ZNF586: variants seen among roughly 807,000 people sequenced by gnomAD.
ZNF586 encodes zinc finger protein 586.
In ZNF586, 7 loss-of-function variants were observed where a neutral mutation model predicts 6.7. That is an observed-to-expected ratio of 1.04 (90% CI 0.59 to 1.95). ZNF586 has a LOEUF of 1.95. Ranked by LOEUF, ZNF586 falls within the 30% of genes most tolerant of loss-of-function variation. The pLI, the probability that ZNF586 is intolerant of heterozygous loss-of-function variation, is 0.00. For synonymous variants in ZNF586, 166 were observed against 168.7 expected (o/e 0.98, Z 0.12); for missense variants, 442 against 489.6 (o/e 0.90, Z 0.92).
chr19:57,778,638 G>C, intron 2 of ZNF586, 113 bp from the exon 3 acceptor site: 1 of 1,001,912 alleles, frequency 1.0e-6, no homozygotes, highest in Non-Finnish European at 1.5e-6. Flanking sequence ...CCAACTCCCT[G>C]TTTGTGCAAA....
At position 57,769,847 on chromosome 19, in the gene ZNF586, C is replaced by A. The variant is rs969362419; in HGVS notation, c.5C>A (p.Ala2Glu). 11 of 1,542,382 alleles carry A rather than the reference C, an allele frequency of 7.1e-6. No homozygotes were observed. The East Asian group carries it at 1.2e-4, about 17-fold the overall frequency. Residue 2 changes from alanine (A) to glutamate (E), a missense_variant, in exon 1 of 3, where the codon GCG becomes GAG. By Grantham distance (107) the Ala-to-Glu change is moderately radical. Coordinates refer to ENST00000396154, the MANE Select transcript of ZNF586 (RefSeq NM_017652.4). ...GTTCCCCCCCCGCCCAGAGTCATGG[C>A]GGCAGCAGCCGCTCTGAGGGCGCCT... is the stretch of plus-strand genomic sequence containing the variant. M[A>E]AAAALRAPAQ...
intron 1 of ZNF586, among the ~76,000 whole-genome samples, chr19:57,774,245 G>C (rs918952060): frequency 3.5e-5 from 5 of 144,256 alleles, no homozygotes; most frequent in Middle Eastern, 4.4e-3. Context: ...AAAGTCAGCC[G>C]GGCGCGGTGG....
intron 2 of ZNF586, among the ~76,000 whole-genome samples, chr19:57,778,540 G>A (rs952663854): frequency 6.6e-6 from 1 of 152,088 alleles, no homozygotes; most frequent in African/African-American, 2.4e-5. Context: ...CCTTTATTCT[G>A]TCTGTTGACT....
intron 1 of ZNF586, among the ~76,000 whole-genome samples, chr19:57,772,490 C>T (rs946251498): frequency 8.9e-6 from 1 of 112,234 alleles, no homozygotes; most frequent in Non-Finnish European, 1.7e-5. Context: ...CAATCACAAG[C>T]CCCAGGATGT....
In ZNF586 at chr19:57,778,947, G is replaced by A. The variant is rs2122566601; in HGVS notation, c.360G>A (p.Arg120=). ...ACAGGAATGTTCGCACTGGAGAAAG[G>A]CCTTATGAGTGCAGCAAATATGGGA... is the stretch of plus-strand genomic sequence containing the variant. ...HKHRNVRTGE[R]PYECSKYGKL... Residue 120 remains arginine, a synonymous_variant, in exon 3 of 3, where the codon AGG becomes AGA. Transcript: ENST00000396154. The A allele has an allele frequency of 6.2e-7, 1 of 1,614,110 alleles. No homozygotes were observed. Among genetic ancestry groups the A allele is most frequent in the East Asian group, 2.2e-5 (1 of 44,876 alleles).
chr19:57,778,158 GC>G (rs1308869438), intron 2 of ZNF586, among the ~76,000 whole-genome samples: 1 of 148,128 alleles, frequency 6.8e-6, no homozygotes, highest in Admixed American at 6.9e-5. Flanking sequence ...TGCAACCTCC[GC>G]CTCCCAGGTT....
chr19:57,775,003 C>T (rs199746552), intron 1 of ZNF586, among the ~76,000 whole-genome samples: 3 of 141,686 alleles, frequency 2.1e-5, no homozygotes, highest in East Asian at 2.0e-4. Context: ...TTCTTTTTTT[C>T]TTTTTTTTTT....
intron 2 of ZNF586, 94 bp downstream of exon 2, chr19:57,776,763 T>C: frequency 7.2e-7 from 1 of 1,388,498 alleles, no homozygotes; most frequent in Non-Finnish European, 9.7e-7. Context: ...TGGACACAGC[T>C]TCATTCTCCA....
chr19:57,777,680 C>T (rs1452578825), intron 2 of ZNF586, among the ~76,000 whole-genome samples: 2 of 151,270 alleles, frequency 1.3e-5, no homozygotes, highest in East Asian at 3.9e-4. Flanking sequence ...ATTTTTCTCA[C>T]GGCTCTGTCT....
At chr19:57,776,780 T>G in intron 2 of ZNF586, 111 bp downstream of exon 2, 1 of 1,311,818 alleles carries the variant, frequency 7.6e-7, no homozygotes, top group Admixed American at 2.4e-5. Context: ...TCCAGTTCTC[T>G]GGAGAGGTTC....
rs748519831 is a variant in ZNF586, at chr19:57,776,615, A to C, written c.109A>C (p.Arg37=). 1.2e-6 allele frequency: 2 copies of C among 1,613,556 alleles called. No individual in the cohort carries two copies. The highest frequency in any genetic ancestry group is 2.2e-5 in the South Asian group (2 of 91,036). Residue 37 remains arginine, a synonymous_variant, in exon 2 of 3, where the codon AGA becomes CGA. Transcript: ENST00000396154. ...ATGGAGTCTTCTTAATGAGGCTCAG[A>C]GATGCCTGTACCGTGACGTGATGCT... The part of the protein sequence containing the change: ...EEWSLLNEAQ[R]CLYRDVMLET...
intron 1 of ZNF586, among the ~76,000 whole-genome samples, chr19:57,775,743 C>T (rs1320194676): frequency 1.3e-5 from 2 of 151,944 alleles, no homozygotes; most frequent in African/African-American, 4.8e-5. Flanking sequence ...GCTGGGACTA[C>T]AGGTGCATGC....
rs751612383 is a variant in ZNF586, at chr19:57,779,570, G to A, written c.983G>A (p.Arg328Gln). Residue 328 changes from arginine (R) to glutamine (Q), a missense_variant, in exon 3 of 3, where the codon CGA becomes CAA. Arg to Gln is a conservative substitution (Grantham distance 43, BLOSUM62 1). Transcript: ENST00000396154. ...GGGCAGTGTGGGAAATCCTTTAGCC[G>A]AAAATCTAGCCTTATTATACATCTG... ...ECGQCGKSFSRKSSLIIHLRV... is the reference protein window; with the variant it reads ...ECGQCGKSFSQKSSLIIHLRV... 1.1e-5 allele frequency: 18 copies of A among 1,610,312 alleles called. No homozygotes were observed. Among genetic ancestry groups the A allele is most frequent in the Admixed American group, 6.7e-5 (4 of 59,576 alleles).
chr19:57,775,186 G>A (rs937373776), intron 1 of ZNF586, among the ~76,000 whole-genome samples: 7 of 151,936 alleles, frequency 4.6e-5, no homozygotes, highest in African/African-American at 1.7e-4. Context: ...TAGTAGAGAC[G>A]GGGTTTCACA....
At position 57,779,365 on chromosome 19, in the gene ZNF586, A is replaced by G; in HGVS notation, c.778A>G (p.Arg260Gly). Residue 260 changes from arginine to glycine, a missense_variant, in exon 3 of 3, where the codon AGG becomes GGG. Physicochemically the swap from Arg to Gly is moderately radical, Grantham distance 125. Transcript: ENST00000396154. ...IKHLRVHTGE[R>G]PYECVECGKS... ...ACACTTGAGAGTTCACACAGGAGAAAGGCCTTATGAATGCGTTGAGTGTGG... is the reference window on the plus strand; with the variant it reads ...ACACTTGAGAGTTCACACAGGAGAAGGGCCTTATGAATGCGTTGAGTGTGG... The G allele has an allele frequency of 1.2e-6, 2 of 1,613,358 alleles. No homozygotes were observed. The highest frequency in any genetic ancestry group is 1.3e-5 in the African/African-American group (1 of 74,710).
chr19:57,772,576 A>G (rs568111897), intron 1 of ZNF586, among the ~76,000 whole-genome samples: 2 of 152,078 alleles, frequency 1.3e-5, no homozygotes, highest in Admixed American at 1.3e-4. Flanking sequence ...GCTTCCATTA[A>G]ATTGCTAGAG....
At chr19:57,777,228 C>A (rs1254381990) in intron 2 of ZNF586, among the ~76,000 whole-genome samples, 4 of 152,164 alleles carry the variant, frequency 2.6e-5, no homozygotes, top group Non-Finnish European at 5.9e-5. Flanking sequence ...GGAAGGAATT[C>A]TTTTTGTAAT....
At chr19:57,776,446 A>T (rs534727503) in intron 1 of ZNF586, 97 bp from the exon 2 acceptor site, 6 of 1,434,182 alleles carry the variant, frequency 4.2e-6, no homozygotes, top group Non-Finnish European at 5.6e-6. Context: ...GGATCCTGGG[A>T]GGAGGAGGAT....
intron 1 of ZNF586, among the ~76,000 whole-genome samples, chr19:57,772,999 C>T (rs1426607297): frequency 1.3e-5 from 2 of 152,110 alleles, no homozygotes; most frequent in African/African-American, 4.8e-5. Context: ...TTCAAAGTCA[C>T]TTATAAATTT....
Sources: allele counts gnomAD v4.1 joint callset (sites outside exome capture counted in the v4.1 genomes callset), GRCh38; gene constraint gnomAD v4.1.1; transcripts MANE v1.5; gene names NCBI Gene and HGNC (gene_info 2026-07-23, HGNC 2026-07-21).